The following MYO5B variants were observed in gnomAD, a reference collection of about 807,000 sequenced individuals.
MYO5B encodes myosin VB, also known as unconventional myosin-Vb.
In MYO5B, 143 loss-of-function variants were observed where a neutral mutation model predicts 229.3. The ratio of observed to expected loss-of-function variants is 0.62; its 90% CI spans 0.54 to 0.72. The LOEUF is 0.72. Ranked by LOEUF, MYO5B falls within the 30% of genes least tolerant of loss-of-function variation. The pLI is 0.00. For synonymous variants in MYO5B, 918 were observed against 885.2 expected (o/e 1.04, Z -0.66); for missense variants, 2,321 against 2,331.0 (o/e 1.00, Z 0.09).
chr18:49,925,037 G>A (rs2025113574), intron 17 of MYO5B, among the ~76,000 whole-genome samples: 2 of 152,192 alleles, frequency 1.3e-5, no homozygotes, highest in African/African-American at 4.8e-5. Flanking sequence ...GCATTCCAAA[G>A]TTAACCTGAA....
chr18:50,163,951 A>G (rs1378994804), intron 1 of MYO5B, among the ~76,000 whole-genome samples: 2 of 152,218 alleles, frequency 1.3e-5, no homozygotes, highest in South Asian at 4.2e-4. Context: ...TGTTTTAGCC[A>G]TTAGGTAGGA....
At chr18:49,834,645 C>CT (rs573183100) in intron 39 of MYO5B, among the ~76,000 whole-genome samples, 74 of 149,562 alleles carry the variant, frequency 4.9e-4, no homozygotes, top group East Asian at 1.2e-3. Flanking sequence ...CAAATATTGT[C>CT]TTTTTTTTTT....
At chr18:50,130,571 C>T (rs926466527) in intron 1 of MYO5B, among the ~76,000 whole-genome samples, 4 of 152,166 alleles carry the variant, frequency 2.6e-5, no homozygotes, top group African/African-American at 7.2e-5. Flanking sequence ...GAGCAATATC[C>T]ACCCTACCTG....
At chr18:50,105,248 TAAAA>T (rs142685025) in intron 1 of MYO5B, among the ~76,000 whole-genome samples, 132 of 131,672 alleles carry the variant, frequency 1.0e-3, no homozygotes, top group African/African-American at 3.4e-3. Context: ...AATAAATAAA[TAAAA>T]AATAGATAAA....
intron 1 of MYO5B, chr18:50,097,589 C>T (rs1402002954): frequency 1.3e-5 from 3 of 225,170 alleles, no homozygotes; most frequent in Non-Finnish European, 2.7e-5. Context: ...TAAAAATCAT[C>T]ACTCTGCAGC....
chr18:50,169,760 C>T lies in MYO5B; in HGVS notation c.27+25007G>A, dbSNP rs1451176554. On this transcript the variant is annotated intron_variant, in intron 1 of 39. Transcript: ENST00000285039. ...ATGAGTGTGCCTTGAATTACTCTTG[C>T]AATTTTCCTGAAGTCTGAAAAGATT... Among the ~76,000 whole-genome samples the T allele has an allele frequency of 4.7e-5, 6 of 127,536 alleles. 2 individuals carry two copies. Among genetic ancestry groups the T allele is most frequent in the Non-Finnish European group, 1.0e-4 (6 of 59,802 alleles). The allele number at this position is 127,536 out of a possible 152,430, so 83.7% of individuals were successfully genotyped here.
chr18:49,985,897 T>A (rs1185629184), intron 7 of MYO5B, among the ~76,000 whole-genome samples: 1 of 152,182 alleles, frequency 6.6e-6, no homozygotes, highest in Non-Finnish European at 1.5e-5. Flanking sequence ...GAAGTCTCTC[T>A]CCTTTCTCCA....
At chr18:49,874,908 C>T (rs1243328746) in intron 26 of MYO5B, among the ~76,000 whole-genome samples, 2 of 152,332 alleles carry the variant, frequency 1.3e-5, no homozygotes, top group East Asian at 1.9e-4. Flanking sequence ...CCTGTTTGCA[C>T]TCAACTTGCA....
chr18:50,194,975 G>C lies in MYO5B; in HGVS notation c.-182C>G, dbSNP rs1450313521. On this transcript the variant is annotated 5_prime_UTR_variant, in exon 1 of 40. Transcript: ENST00000285039. Reference sequence around the variant, plus strand: ...GCGGCCGGCTCGCTCCCGGCGGCGCGACCTTTACTCCCGCCGCGGCGGCGC... The same window carrying C: ...GCGGCCGGCTCGCTCCCGGCGGCGCCACCTTTACTCCCGCCGCGGCGGCGC... 4.6e-6 allele frequency: 4 copies of C among 871,128 alleles called. No homozygotes were observed. Among genetic ancestry groups the C allele is most frequent in the Non-Finnish European group, 6.0e-6 (4 of 667,968 alleles). The allele number at this position is 871,128 out of a possible 1,614,324, so 54.0% of individuals were successfully genotyped here. A position where few individuals can be genotyped will look rare whatever the true frequency, so the allele number is the denominator to read the frequency against.
chr18:49,992,380 T>A lies in MYO5B; in HGVS notation c.664A>T (p.Lys222Ter). 1 of 1,614,150 alleles carries A rather than the reference T, an allele frequency of 6.2e-7. No homozygotes were observed. Among genetic ancestry groups the A allele is most frequent in the Non-Finnish European group, 8.5e-7 (1 of 1,180,022 alleles). The change falls in exon 6 of 40, where the codon AAG becomes TAG. Residue 222 changes from lysine (K) to a stop codon, truncating the protein, a stop_gained. Coordinates refer to ENST00000285039, the MANE Select transcript of MYO5B (RefSeq NM_001080467.3). LOFTEE classifies it high-confidence loss of function. Reference protein sequence around the residue: ...TRNDNSSRFGKYIQIGFDKRY... With the variant: ...TRNDNSSRFG ...TTGTCAAAGCCAATCTGGATGTACT[T>A]GCCAAAACGGCTGCTGTTGTCATTG...
chr18:50,157,090 G>GTT (rs71169484), intron 1 of MYO5B, among the ~76,000 whole-genome samples: 15 of 142,572 alleles, frequency 1.1e-4, no homozygotes, highest in African/African-American at 3.9e-4. Flanking sequence ...TTTTTGTTTT[G>GTT]TTTTTTTTTT....
intron 17 of MYO5B, among the ~76,000 whole-genome samples, chr18:49,917,467 G>A (rs569025201): frequency 1.3e-3 from 50 of 37,662 alleles, no homozygotes; most frequent in Non-Finnish European, 2.6e-3. Context: ...TTTGTAAAAC[G>A]TTTACTCCAG....
At chr18:50,109,696 G>A (rs2031830941) in intron 1 of MYO5B, among the ~76,000 whole-genome samples, 2 of 152,280 alleles carry the variant, frequency 1.3e-5, no homozygotes, top group South Asian at 4.1e-4. Flanking sequence ...AAAGTGCTGG[G>A]ATTACAGGCA....
At chr18:50,157,565 C>G (rs922755801) in intron 1 of MYO5B, among the ~76,000 whole-genome samples, 1 of 152,196 alleles carries the variant, frequency 6.6e-6, no homozygotes, top group African/African-American at 2.4e-5. Context: ...TTTCTCTCAG[C>G]TCCAGCCACA....
intron 17 of MYO5B, among the ~76,000 whole-genome samples, chr18:49,927,359 T>TAA (rs34171321): frequency 0.045 from 6,563 of 145,188 alleles, 365 homozygotes; most frequent in East Asian, 0.15. Context: ...TTCACAGAAC[T>TAA]AAAAAAAAAA....
At chr18:49,913,556 T>C (rs1214184261) in intron 17 of MYO5B, among the ~76,000 whole-genome samples, 1 of 152,102 alleles carries the variant, frequency 6.6e-6, no homozygotes, top group Non-Finnish European at 1.5e-5. Context: ...CCGAGGCATG[T>C]GCTGTCCATA....
At chr18:50,184,713 G>A (rs927800911) in intron 1 of MYO5B, among the ~76,000 whole-genome samples, 5 of 152,182 alleles carry the variant, frequency 3.3e-5, no homozygotes, top group African/African-American at 7.2e-5. Context: ...ATTGTATCCT[G>A]AATATTCTGG....
chr18:50,041,867 A>G (rs1315615878), intron 2 of MYO5B, among the ~76,000 whole-genome samples: 3 of 152,222 alleles, frequency 2.0e-5, no homozygotes, highest in Non-Finnish European at 2.9e-5. Flanking sequence ...GCGATTCTTC[A>G]TCATACAATG....
At chr18:50,151,451 A>G (rs1241427050) in intron 1 of MYO5B, among the ~76,000 whole-genome samples, 1 of 152,158 alleles carries the variant, frequency 6.6e-6, no homozygotes, top group Non-Finnish European at 1.5e-5. Context: ...ATCATGATAT[A>G]AATATGATCT....
Sources: allele counts gnomAD v4.1 joint callset (sites outside exome capture counted in the v4.1 genomes callset), GRCh38; gene constraint gnomAD v4.1.1; transcripts MANE v1.5; gene names NCBI Gene and HGNC (gene_info 2026-07-23, HGNC 2026-07-21).